The following CPVL variants were observed in gnomAD, a reference collection of about 807,000 sequenced individuals.
CPVL encodes the protein probable serine carboxypeptidase CPVL.
In CPVL, 51 loss-of-function variants were observed where a neutral mutation model predicts 63.7. The ratio of observed to expected loss-of-function variants is 0.80; its 90% CI spans 0.64 to 1.01. The LOEUF is 1.01. Ranked by LOEUF, CPVL falls within the 50% of genes least tolerant of loss-of-function variation. The probability of loss-of-function intolerance (pLI) is 0.00; values close to 1 mark genes in which losing one functional copy is unlikely to be tolerated. For missense variants in CPVL, 530 were observed against 573.1 expected (o/e 0.92, Z 0.77); for synonymous variants, 195 against 206.0 (o/e 0.95, Z 0.46).
chr7:29,039,400 C>T lies in CPVL; in HGVS notation c.1138-8641G>A, dbSNP rs1012189622. Among the ~76,000 whole-genome samples the T allele has an allele frequency of 7.9e-5, 12 of 152,170 alleles. No homozygotes were observed. The East Asian group carries it at 1.5e-3, about 20-fold the overall frequency. On this transcript the variant is annotated intron_variant, in intron 11 of 12. Coordinates refer to ENST00000265394, the MANE Select transcript of CPVL (RefSeq NM_031311.5). ...AGCCAAAGATACCTGCAGAAGAGTACGTTTACAGACACCTAGAAAGATTCC... is the reference window on the plus strand; with the variant it reads ...AGCCAAAGATACCTGCAGAAGAGTATGTTTACAGACACCTAGAAAGATTCC...
chr7:29,134,982 G>C (rs1584363879), intron 1 of CPVL, among the ~76,000 whole-genome samples: 1 of 151,656 alleles, frequency 6.6e-6, no homozygotes, highest in Admixed American at 6.6e-5. Context: ...ACACACCTGT[G>C]ATCCCAGCTA....
At chr7:29,109,171 T>C (rs1788012289) in intron 3 of CPVL, among the ~76,000 whole-genome samples, 1 of 152,212 alleles carries the variant, frequency 6.6e-6, no homozygotes, top group East Asian at 1.9e-4. Context: ...TTTTATCCCA[T>C]GCAAAATGCC....
rs1786863146 is a variant in CPVL, at chr7:29,020,618, T to C, written c.1320+9959A>G. Among the ~76,000 whole-genome samples the C allele has an allele frequency of 2.0e-5, 3 of 152,118 alleles. No homozygotes were observed. In the South Asian group the frequency reaches 6.2e-4, roughly 32 times the overall value. ...ATGGCTTAAACAACAGGAATTTATTTCTCCCATTGGATGCATATTTTAGAA... is the reference window on the plus strand; with the variant it reads ...ATGGCTTAAACAACAGGAATTTATTCCTCCCATTGGATGCATATTTTAGAA... On this transcript the variant is annotated intron_variant, in intron 12 of 12. Coordinates refer to ENST00000265394, the MANE Select transcript of CPVL (RefSeq NM_031311.5).
At chr7:29,152,513 G>C (rs888795714) in intron 5 of CPVL, among the ~76,000 whole-genome samples, 3 of 152,182 alleles carry the variant, frequency 2.0e-5, no homozygotes, top group African/African-American at 7.2e-5. Context: ...CAAGGAGTCT[G>C]AATGCACTAG....
At chr7:29,092,271 T>C (rs1047737416) in intron 6 of CPVL, among the ~76,000 whole-genome samples, 7 of 150,664 alleles carry the variant, frequency 4.6e-5, no homozygotes, top group Admixed American at 2.0e-4. Flanking sequence ...CCTGGAAAAG[T>C]CATGAAATAG....
At chr7:29,065,145 A>T (rs1432581314) in intron 10 of CPVL, among the ~76,000 whole-genome samples, 1 of 152,046 alleles carries the variant, frequency 6.6e-6, no homozygotes, top group African/African-American at 2.4e-5. Flanking sequence ...TTACACAAGG[A>T]TTAAAAAAAC....
intron 11 of CPVL, among the ~76,000 whole-genome samples, chr7:29,049,248 G>C (rs1165988845): frequency 6.6e-6 from 1 of 151,964 alleles, no homozygotes; most frequent in Non-Finnish European, 1.5e-5. Context: ...TCTTTGAAAA[G>C]ATAAATAAAA....
At chr7:29,027,691 T>G (rs1357051445) in intron 12 of CPVL, among the ~76,000 whole-genome samples, 1 of 152,098 alleles carries the variant, frequency 6.6e-6, no homozygotes, top group Non-Finnish European at 1.5e-5. Context: ...AATAATGAAC[T>G]AGCTAAAAAA....
rs147113377 is a variant in CPVL, at chr7:29,190,278, A to T, written c.-447-3731T>A. Among the ~76,000 whole-genome samples, 174 of 152,348 alleles carry T rather than the reference A, an allele frequency of 1.1e-3. 1 individual carries two copies. The highest frequency in any genetic ancestry group is 3.9e-3 in the African/African-American group (164 of 41,592). Reference sequence around the variant, plus strand: ...GGTACGGTAGAGTACTTGCCATAAAATATTTAAAGCTAGTTGACGAATAGC... The same window carrying T: ...GGTACGGTAGAGTACTTGCCATAAATTATTTAAAGCTAGTTGACGAATAGC... On this transcript the variant is annotated intron_variant, in intron 1 of 16. Transcript: ENST00000409850.
intron 12 of CPVL, among the ~76,000 whole-genome samples, chr7:29,021,288 G>GT (rs1422708998): frequency 6.6e-6 from 1 of 152,066 alleles, no homozygotes; most frequent in Non-Finnish European, 1.5e-5. Context: ...AACAGAAAAG[G>GT]TAAGTAATCC....
intron 1 of CPVL, among the ~76,000 whole-genome samples, chr7:29,137,443 G>C (rs909618526): frequency 6.6e-6 from 1 of 152,148 alleles, no homozygotes; most frequent in African/African-American, 2.4e-5. Context: ...ACCTTATTAA[G>C]CAAATGGGCT....
At chr7:29,064,564 A>G (rs1584147106) in intron 10 of CPVL, among the ~76,000 whole-genome samples, 3 of 152,180 alleles carry the variant, frequency 2.0e-5, no homozygotes, top group Admixed American at 2.0e-4. Context: ...AACAAAAGAG[A>G]TGAGATTATC....
intron 1 of CPVL, among the ~76,000 whole-genome samples, chr7:29,187,489 CG>C (rs1798857773): frequency 6.6e-6 from 1 of 151,946 alleles, no homozygotes; most frequent in African/African-American, 2.4e-5. Context: ...TTTGGGAGGC[CG>C]AGGTGGGCGG....
chr7:29,036,869 T>C (rs1788574065), intron 11 of CPVL, among the ~76,000 whole-genome samples: 1 of 152,180 alleles, frequency 6.6e-6, no homozygotes, highest in Non-Finnish European at 1.5e-5. Context: ...GTGTTATTTA[T>C]CCCATTTTAG....
intron 12 of CPVL, among the ~76,000 whole-genome samples, chr7:29,013,932 G>A (rs1786119687): frequency 6.6e-6 from 1 of 152,226 alleles, no homozygotes; most frequent in Non-Finnish European, 1.5e-5. Flanking sequence ...TAGAAAATAT[G>A]CTCCCAAGAG....
chr7:29,061,425 A>T (rs1223967515), intron 11 of CPVL, among the ~76,000 whole-genome samples: 1 of 152,196 alleles, frequency 6.6e-6, no homozygotes, highest in Non-Finnish European at 1.5e-5. Flanking sequence ...AAAAGAAAAG[A>T]AAAGTTTAGA....
intron 3 of CPVL, among the ~76,000 whole-genome samples, chr7:29,111,010 G>C (rs1476491078): frequency 1.3e-5 from 2 of 152,256 alleles, no homozygotes; most frequent in Non-Finnish European, 2.9e-5. Context: ...TTCTCCCTTA[G>C]AGCCTCCAGA....
chr7:29,158,101 C>T (rs1794671723), intron 5 of CPVL, among the ~76,000 whole-genome samples: 1 of 152,110 alleles, frequency 6.6e-6, no homozygotes, highest in Non-Finnish European at 1.5e-5. Flanking sequence ...TCCAAATTCC[C>T]ATCTCCACTG....
intron 3 of CPVL, among the ~76,000 whole-genome samples, chr7:29,101,527 G>A (rs962268352): frequency 4.6e-5 from 7 of 152,326 alleles, no homozygotes; most frequent in African/African-American, 1.4e-4. Context: ...CCCGGGAGGC[G>A]GAGCTTGCAG....
Sources: allele counts gnomAD v4.1 joint callset (sites outside exome capture counted in the v4.1 genomes callset), GRCh38; gene constraint gnomAD v4.1.1; transcripts MANE v1.5; gene names NCBI Gene and HGNC (gene_info 2026-07-23, HGNC 2026-07-21).